Variants in SMARCA4 observed in about 807,000 individuals in gnomAD.
SMARCA4 encodes the protein SWI/SNF related BAF chromatin remodeling complex subunit ATPase 4.
In SMARCA4, 31 loss-of-function variants were observed where a neutral mutation model predicts 193.9. The ratio of observed to expected loss-of-function variants is 0.16; its 90% CI spans 0.12 to 0.22. SMARCA4 has a LOEUF of 0.22. Among genes scored for constraint, SMARCA4 ranks in the 10% least tolerant of loss-of-function variants. The pLI is 1.00. For missense variants in SMARCA4, 1,148 were observed against 2,296.0 expected (o/e 0.50, Z 10.22); for synonymous variants, 942 against 933.1 (o/e 1.01, Z -0.17).
chr19:11,028,470 G>A (rs769797537), intron 24 of SMARCA4, among the ~76,000 whole-genome samples: 21 of 152,182 alleles, frequency 1.4e-4, no homozygotes, highest in Non-Finnish European at 2.4e-4. Flanking sequence ...GCTGTGAGCC[G>A]CATGCCCATC....
intron 1 of SMARCA4, among the ~76,000 whole-genome samples, chr19:10,970,759 A>C (rs2084604020): frequency 6.6e-6 from 1 of 152,166 alleles, no homozygotes; most frequent in Admixed American, 6.6e-5. Context: ...ATTGTAGGAC[A>C]CCCAGCTGGT....
intron 29 of SMARCA4, chr19:11,040,591 C>CA (rs146891898): frequency 0.025 from 2,360 of 95,892 alleles, 28 homozygotes; most frequent in Non-Finnish European, 0.038. Context: ...ACTCCGTCTC[C>CA]AAAAAAAAAA....
chr19:11,013,146 C>T (rs370211896), intron 16 of SMARCA4, 34 bp downstream of exon 16: 69 of 1,608,044 alleles, frequency 4.3e-5, no homozygotes, highest in African/African-American at 9.4e-5. Flanking sequence ...TCCCACACGC[C>T]GCTCACACGC....
chr19:11,033,170 G>A lies in SMARCA4; in HGVS notation c.3547-120G>A. ...TTCATGCGGCGGCAGGTCAGGCTGGGCAGAATTGTCAGGCCGAGGGTGGCA... is the reference window on the plus strand; with the variant it reads ...TTCATGCGGCGGCAGGTCAGGCTGGACAGAATTGTCAGGCCGAGGGTGGCA... On this transcript the variant is annotated intron_variant, in intron 25 of 34. Transcript: ENST00000344626. This position sits in a 1 kb window ranked among gnomAD's most constrained non-coding sequence, Gnocchi z 9.8. The A allele has an allele frequency of 2.5e-6, 2 of 791,402 alleles. No homozygotes were observed. The highest frequency in any genetic ancestry group is 2.2e-6 in the Non-Finnish European group (1 of 455,410). 49.0% of individuals were successfully genotyped at this position (791,402 alleles called of 1,614,324 possible). A position where few individuals can be genotyped will look rare whatever the true frequency, so the allele number is the denominator to read the frequency against.
intron 11 of SMARCA4, among the ~76,000 whole-genome samples, chr19:11,002,371 C>G (rs2087718535): frequency 6.6e-6 from 1 of 152,114 alleles, no homozygotes; most frequent in African/African-American, 2.4e-5. Context: ...CCCAGCTACT[C>G]TGGAGGCTGA....
chr19:10,983,753 T>A, intron 1 of SMARCA4: 1 of 285,754 alleles, frequency 3.5e-6, no homozygotes, highest in Non-Finnish European at 6.9e-6. Flanking sequence ...CTATTTGAGC[T>A]ATAGTCCTGT....
chr19:11,018,999 C>T lies in SMARCA4; in HGVS notation c.2481C>T (p.Pro827=), dbSNP rs1451565392. The T allele has an allele frequency of 1.9e-6, 3 of 1,614,046 alleles. No individual in the cohort carries two copies. Among genetic ancestry groups the T allele is most frequent in the East Asian group, 2.2e-5 (1 of 44,896 alleles). The change falls in exon 17 of 35, where the codon CCC becomes CCT. Residue 827 remains proline, a synonymous_variant. Coordinates refer to ENST00000344626, the MANE Select transcript of SMARCA4 (RefSeq NM_003072.5). ...CGTACGAGTTTGACAAGTGGGCCCC[C>T]TCCGTGGTGAAGGTGTCTTACAAGG... ...NWAYEFDKWA[P]SVVKVSYKGS... is the part of the protein sequence containing the mutation.
chr19:11,033,163 A>G lies in SMARCA4; in HGVS notation c.3547-127A>G. On this transcript the variant is annotated intron_variant, in intron 25 of 34. Transcript: ENST00000344626. The surrounding 1 kb of genome is among the most constrained non-coding windows in gnomAD (Gnocchi z 9.8). The stretch of plus-strand genomic sequence containing the variant: ...CTCTGTTTTCATGCGGCGGCAGGTC[A>G]GGCTGGGCAGAATTGTCAGGCCGAG... The G allele has an allele frequency of 1.3e-6, 1 of 758,126 alleles. No individual in the cohort carries two copies. The highest frequency in any genetic ancestry group is 2.3e-6 in the Non-Finnish European group (1 of 428,686). 47.0% of individuals were successfully genotyped at this position (758,126 alleles called of 1,614,324 possible). A position where few individuals can be genotyped will look rare whatever the true frequency, so the allele number is the denominator to read the frequency against.
chr19:11,000,418 C>T (rs1186171431), intron 11 of SMARCA4, among the ~76,000 whole-genome samples: 1 of 152,026 alleles, frequency 6.6e-6, no homozygotes, highest in Non-Finnish European at 1.5e-5. Flanking sequence ...GTCCCACCTA[C>T]TCGAGAGGCT....
intron 13 of SMARCA4, among the ~76,000 whole-genome samples, chr19:11,007,245 CAT>C (rs1170866415): frequency 6.6e-6 from 1 of 152,092 alleles, no homozygotes; most frequent in Non-Finnish European, 1.5e-5. Context: ...GCCTGGCCAA[CAT>C]AGTGAAACCC....
intron 1 of SMARCA4, chr19:10,983,613 T>A: frequency 6.1e-6 from 1 of 164,868 alleles, no homozygotes; most frequent in Non-Finnish European, 1.3e-5. Flanking sequence ...TTTCGTATTT[T>A]TAGTAGAGAT....
intron 11 of SMARCA4, among the ~76,000 whole-genome samples, chr19:10,998,493 C>T (rs2087297663): frequency 6.7e-6 from 1 of 149,238 alleles, no homozygotes; most frequent in African/African-American, 2.5e-5. Context: ...CCAGCTACTC[C>T]TTTTAGTATC....
chr19:11,046,589 C>G (rs1456995956), intron 30 of SMARCA4, among the ~76,000 whole-genome samples: 3 of 152,172 alleles, frequency 2.0e-5, no homozygotes, highest in African/African-American at 7.2e-5. Flanking sequence ...GTGGGTCTGT[C>G]CACTCACTGT....
In SMARCA4 at chr19:11,003,012, G is replaced by A. The variant is rs377749980; in HGVS notation, c.1813-17G>A. 24 of 1,613,770 alleles carry A rather than the reference G, an allele frequency of 1.5e-5. No individual in the cohort carries two copies. Among genetic ancestry groups the A allele is most frequent in the Non-Finnish European group, 1.8e-5 (21 of 1,179,954 alleles). ...AGGCCCTGCAACCTCAGTGTCACAC[G>A]AATGACTCTTTTTCAGCCTCTGGAC... On this transcript the variant is annotated splice_polypyrimidine_tract_variant and intron_variant, in intron 11 of 34. Transcript: ENST00000344626.
In SMARCA4 at chr19:10,987,520, T is replaced by A; in HGVS notation, c.860-146T>A. On this transcript the variant is annotated intron_variant, in intron 5 of 34. Coordinates refer to ENST00000344626, the MANE Select transcript of SMARCA4 (RefSeq NM_003072.5). The surrounding 1 kb of genome is among the most constrained non-coding windows in gnomAD (Gnocchi z 5.3). ...GGAGGAGGTTGGAGCCCAAGGCAGG[T>A]GTGAAGGACACCCCTGGGTGAAAGG... 1.2e-6 allele frequency: 1 copy of A among 842,464 alleles called. No individual in the cohort carries two copies. Among genetic ancestry groups the A allele is most frequent in the Non-Finnish European group, 1.9e-6 (1 of 514,492 alleles). 52.2% of individuals were successfully genotyped at this position (842,464 alleles called of 1,614,324 possible). A position where few individuals can be genotyped will look rare whatever the true frequency, so the allele number is the denominator to read the frequency against.
At chr19:11,047,749 CA>C (rs1160585597) in intron 30 of SMARCA4, 1 of 152,230 alleles carries the variant, frequency 6.6e-6, no homozygotes, top group East Asian at 1.9e-4. Context: ...CACAAAGACA[CA>C]GCTGGCTACC....
chr19:11,029,679 C>A (rs1176603793), intron 24 of SMARCA4, among the ~76,000 whole-genome samples: 4 of 152,160 alleles, frequency 2.6e-5, no homozygotes, highest in South Asian at 2.1e-4. Context: ...GTTTTTATTT[C>A]TTCTTTTTTT....
At chr19:11,038,877 G>A (rs1202557131) in intron 29 of SMARCA4, among the ~76,000 whole-genome samples, 1 of 152,318 alleles carries the variant, frequency 6.6e-6, no homozygotes, top group African/African-American at 2.4e-5. Flanking sequence ...TGAGGAATCT[G>A]TCTTAAACAA....
rs1361324929 is a variant in SMARCA4 at position 11,019,987 on chromosome 19, A to G, written c.2616+286A>G. Among the ~76,000 whole-genome samples the G allele has an allele frequency of 6.6e-6, 1 of 152,198 alleles. No individual in the cohort carries two copies. On this transcript the variant is annotated intron_variant, in intron 18 of 34. Coordinates refer to ENST00000344626, the MANE Select transcript of SMARCA4 (RefSeq NM_003072.5). The surrounding 1 kb of genome is among the most constrained non-coding windows in gnomAD (Gnocchi z 6.1). Reference sequence around the variant, plus strand: ...CTTCTGCCCAGAGAGCCTCAGCACCAAGGCGTCTCCTGACCCGCCTACAGA... The same window carrying G: ...CTTCTGCCCAGAGAGCCTCAGCACCGAGGCGTCTCCTGACCCGCCTACAGA...
Sources: allele counts gnomAD v4.1 joint callset (sites outside exome capture counted in the v4.1 genomes callset), GRCh38; gene constraint gnomAD v4.1.1; non-coding constraint Gnocchi (gnomAD v3.1); transcripts MANE v1.5; gene names NCBI Gene and HGNC (gene_info 2026-07-23, HGNC 2026-07-21).